PFKP: variants seen among roughly 807,000 people sequenced by gnomAD.
The protein encoded by PFKP is ATP-dependent 6-phosphofructokinase, platelet type.
PFKP carries 101 observed loss-of-function variants against 94.3 expected under a neutral mutation model. The observed-to-expected ratio is 1.07, with a 90% CI of 0.91 to 1.26. PFKP has a LOEUF of 1.26. Ranked by LOEUF, PFKP falls within the 50% of genes most tolerant of loss-of-function variation. The pLI, the probability that PFKP is intolerant of heterozygous loss-of-function variation, is 0.00. For missense variants in PFKP, 1,145 were observed against 1,103.3 expected (o/e 1.04, Z -0.53); for synonymous variants, 573 against 432.6 (o/e 1.32, Z -4.03).
chr10:3,080,897 A>G (rs1043224021), intron 1 of PFKP, among the ~76,000 whole-genome samples: 1 of 152,138 alleles, frequency 6.6e-6, no homozygotes, highest in African/African-American at 2.4e-5. Flanking sequence ...CGCCAGAGAC[A>G]GAGAAGAAAG....
chr10:3,100,633 C>G (rs1354151840), intron 3 of PFKP, among the ~76,000 whole-genome samples: 2 of 152,104 alleles, frequency 1.3e-5, no homozygotes, highest in African/African-American at 4.8e-5. Flanking sequence ...TTATGAGCAC[C>G]TTGCTTGACA....
intron 10 of PFKP, among the ~76,000 whole-genome samples, chr10:3,111,360 GTGTGTGCC>G (rs1326404237): frequency 3.3e-5 from 5 of 152,112 alleles, no homozygotes; most frequent in Non-Finnish European, 7.3e-5. Flanking sequence ...CTGCACGTTA[GTGTGTGCC>G]TGTGTGCATG....
At chr10:3,121,283 C>T (rs963419913) in intron 16 of PFKP, among the ~76,000 whole-genome samples, 2 of 152,226 alleles carry the variant, frequency 1.3e-5, no homozygotes, top group Non-Finnish European at 2.9e-5. Flanking sequence ...GTGGGTGTCA[C>T]GGCTTTGCTG....
intron 2 of PFKP, among the ~76,000 whole-genome samples, chr10:3,093,303 C>T (rs1474937115): frequency 2.0e-5 from 3 of 152,142 alleles, no homozygotes; most frequent in African/African-American, 7.2e-5. Context: ...CGTTCAGTCA[C>T]ATCTCTTTGA....
At position 3,096,926 on chromosome 10, in the gene PFKP, AAATT is replaced by A. The variant is rs374373929; in HGVS notation, c.187-2347_187-2344del. Reference sequence around the variant, plus strand: ...ACCCCGTCTCTACTAAAAATACAAAAAATTAGCCGGGCGTGGTGGCGGGTGCCTG... The same window carrying A: ...ACCCCGTCTCTACTAAAAATACAAAAAGCCGGGCGTGGTGGCGGGTGCCTG... On this transcript the variant is annotated intron_variant, in intron 2 of 21. Coordinates refer to ENST00000381125, the MANE Select transcript of PFKP (RefSeq NM_002627.5). 4.9e-5 allele frequency among the ~76,000 whole-genome samples: 6 copies of A among 121,754 alleles called. No individual in the cohort carries two copies. In the East Asian group the frequency reaches 6.9e-4, roughly 14 times the overall value. The allele number at this position is 121,754 out of a possible 152,430, so 79.9% of individuals were successfully genotyped here. A position where few individuals can be genotyped will look rare whatever the true frequency, so the allele number is the denominator to read the frequency against.
chr10:3,105,066 T>C (rs1234587527), intron 5 of PFKP, 49 bp from the exon 6 acceptor site: 5 of 1,583,594 alleles, frequency 3.2e-6, no homozygotes, highest in Non-Finnish European at 4.3e-6. Flanking sequence ...CTCCCTCTGT[T>C]TCTCTGCTTT....
At chr10:3,128,309 G>A (rs1020748224) in intron 16 of PFKP, among the ~76,000 whole-genome samples, 5 of 152,178 alleles carry the variant, frequency 3.3e-5, no homozygotes, top group African/African-American at 4.8e-5. Flanking sequence ...GAGAGACACC[G>A]GGATAATTTC....
At chr10:3,132,591 T>G in intron 18 of PFKP, 150 bp downstream of exon 18, 2 of 616,668 alleles carry the variant, frequency 3.2e-6, no homozygotes, top group Non-Finnish European at 5.9e-6. Flanking sequence ...ACAGCTGTGG[T>G]GCATTGCTCT....
At position 3,121,135 on chromosome 10, in the gene PFKP, G is replaced by T. The variant is rs193203011; in HGVS notation, c.1683+1091G>T. ...GCACTCGTTTCTTGCTTTTCTGAGCGTTTTAAACTTTCTTCACTTTCTTTG... is the reference window on the plus strand; with the variant it reads ...GCACTCGTTTCTTGCTTTTCTGAGCTTTTTAAACTTTCTTCACTTTCTTTG... On this transcript the variant is annotated intron_variant, in intron 16 of 21. Transcript: ENST00000381125. Among the ~76,000 whole-genome samples, 17 of 152,282 alleles carry T rather than the reference G, an allele frequency of 1.1e-4. No homozygotes were observed. The East Asian group carries it at 3.3e-3, about 29-fold the overall frequency.
At chr10:3,125,432 G>T (rs1020223782) in intron 16 of PFKP, among the ~76,000 whole-genome samples, 1 of 152,194 alleles carries the variant, frequency 6.6e-6, no homozygotes, top group Non-Finnish European at 1.5e-5. Context: ...GGGAGAGCCT[G>T]TCTTTATTGA....
In PFKP at chr10:3,124,191, AC is replaced by A. The variant is rs1393149635; in HGVS notation, c.1683+4149del. ...AGGTGTGGGCGCCGCCCTGTGTCCC[AC>A]CAGTAGCATTTCTGCAGCAGATGTG... On this transcript the variant is annotated intron_variant, in intron 16 of 21. Coordinates refer to ENST00000381125, the MANE Select transcript of PFKP (RefSeq NM_002627.5). Among the ~76,000 whole-genome samples, 7 of 152,200 alleles carry A rather than the reference AC, an allele frequency of 4.6e-5. 1 individual carries two copies. Among genetic ancestry groups the A allele is most frequent in the African/African-American group, 1.7e-4 (7 of 41,530 alleles).
chr10:3,093,853 C>T (rs181324445), intron 2 of PFKP, among the ~76,000 whole-genome samples: 3 of 152,062 alleles, frequency 2.0e-5, no homozygotes, highest in Non-Finnish European at 4.4e-5. Context: ...CCGTGTTAGC[C>T]AGGATGGTCT....
At chr10:3,126,996 C>T (rs1198274534) in intron 16 of PFKP, among the ~76,000 whole-genome samples, 2 of 152,272 alleles carry the variant, frequency 1.3e-5, no homozygotes, top group Non-Finnish European at 2.9e-5. Flanking sequence ...GCCATCCTTC[C>T]ACCCACTCGG....
intron 10 of PFKP, among the ~76,000 whole-genome samples, chr10:3,110,896 GT>G (rs1211776237): frequency 6.6e-6 from 1 of 151,872 alleles, no homozygotes; most frequent in Non-Finnish European, 1.5e-5. Flanking sequence ...GTGTGTGCAT[GT>G]TTGTGTGCAT....
At chr10:3,093,781 C>T (rs1404077383) in intron 2 of PFKP, among the ~76,000 whole-genome samples, 1 of 151,470 alleles carries the variant, frequency 6.6e-6, no homozygotes, top group Non-Finnish European at 1.5e-5. Flanking sequence ...GCAGCTGGGA[C>T]TACAGGCTCC....
At chr10:3,100,827 T>G in intron 3 of PFKP, 1 of 653,602 alleles carries the variant, frequency 1.5e-6, no homozygotes, top group Non-Finnish European at 2.6e-6. Context: ...ATCCTGAAGA[T>G]ATAGCTCTTT....
intron 2 of PFKP, among the ~76,000 whole-genome samples, chr10:3,084,686 T>TCCAGTACAGTCCTCCAGCCCCTCC (rs1833349092): frequency 8.0e-6 from 1 of 125,220 alleles, no homozygotes; most frequent in Non-Finnish European, 1.7e-5. Context: ...AGACGCGGTC[T>TCCAGTACAGTCCTCCAGCCCCTCC]CCAGCACAGT....
At position 3,105,108 on chromosome 10, in the gene PFKP, C is replaced by CTGCT. The variant is rs1346261333; in HGVS notation, c.621-6_621-5insGCTT. The CTGCT allele has an allele frequency of 6.2e-7, 1 of 1,613,808 alleles. No homozygotes were observed. Among genetic ancestry groups the CTGCT allele is most frequent in the Admixed American group, 1.7e-5 (1 of 60,006 alleles). On this transcript the variant is annotated splice_polypyrimidine_tract_variant and splice_region_variant and intron_variant, in intron 5 of 21. Coordinates refer to ENST00000381125, the MANE Select transcript of PFKP (RefSeq NM_002627.5). ...TGTGTCCGGGGCTCCCTCTGTTTCTCTTCCAGCCACCAGAGGACCTTCGTT... is the reference window on the plus strand; with the variant it reads ...TGTGTCCGGGGCTCCCTCTGTTTCTCTGCTTTCCAGCCACCAGAGGACCTTCGTT...
intron 16 of PFKP, among the ~76,000 whole-genome samples, chr10:3,128,836 G>A (rs114537644): frequency 0.015 from 2,326 of 152,268 alleles, 47 homozygotes; most frequent in African/African-American, 0.042. Context: ...CTGCTCTCCC[G>A]CCCACCACTG....
Sources: gnomAD v4.1 joint callset for allele counts (sites outside exome capture counted in the v4.1 genomes callset) on GRCh38, gnomAD v4.1.1 for gene constraint, MANE v1.5 for transcripts, NCBI Gene and HGNC (gene_info 2026-07-23, HGNC 2026-07-21) for gene names.